The following PARG variants were observed in gnomAD, a reference collection of about 807,000 sequenced individuals.
PARG encodes mitochondrial poly(ADP-ribose) glycohydrolase.
A neutral mutation model predicts 113.0 loss-of-function variants in PARG; 35 were observed. That is an observed-to-expected ratio of 0.31 (90% CI 0.24 to 0.41). PARG has a LOEUF of 0.41. PARG is among the 10% of genes least tolerant of loss of function. PARG has a pLI of 1.00. For missense variants in PARG, 797 were observed against 1,169.4 expected (o/e 0.68, Z 4.64); for synonymous variants, 330 against 409.9 (o/e 0.81, Z 2.36).
chr10:49,823,589 T>C (rs1844213158), intron 16 of PARG, among the ~76,000 whole-genome samples: 1 of 152,182 alleles, frequency 6.6e-6, no homozygotes, highest in Non-Finnish European at 1.5e-5. Context: ...CATTAAAGTT[T>C]CAATACACCC....
intron 7 of PARG, among the ~76,000 whole-genome samples, chr10:49,886,066 T>C (rs1847461714): frequency 6.6e-6 from 1 of 152,234 alleles, no homozygotes; most frequent in Non-Finnish European, 1.5e-5. Context: ...CTTTATCTAC[T>C]TGAAATCACA....
intron 7 of PARG, among the ~76,000 whole-genome samples, chr10:49,891,671 C>G (rs1367193894): frequency 4.5e-5 from 6 of 134,486 alleles, no homozygotes; most frequent in African/African-American, 1.7e-4. Flanking sequence ...ACTCTGTCAC[C>G]CAGGCTGGAG....
chr10:49,906,249 T>C (rs1848584737), intron 7 of PARG, among the ~76,000 whole-genome samples: 1 of 150,344 alleles, frequency 6.7e-6, no homozygotes, highest in Non-Finnish European at 1.5e-5. Context: ...TCCCAAAGTA[T>C]TGGGATTACA....
chr10:49,862,250 G>T (rs1378292504), intron 11 of PARG, among the ~76,000 whole-genome samples: 6 of 151,920 alleles, frequency 3.9e-5, no homozygotes, highest in East Asian at 1.9e-4. Context: ...CTGAGGTATT[G>T]ACTTATGTTA....
At position 49,933,889 on chromosome 10, in the gene PARG, T is replaced by A; in HGVS notation, c.559A>T (p.Ile187Phe). Residue 187 changes from isoleucine to phenylalanine, a missense_variant, in exon 3 of 18, where the codon ATT becomes TTT. Physicochemically the swap from Ile to Phe is conservative, Grantham distance 21. Coordinates refer to ENST00000616448, the MANE Select transcript of PARG (RefSeq NM_003631.5). ...TCATCATTTTGAGGTGACCGATCAA[T>A]GTTAGCATTACTAAACTGCTCTGGT... ...LVPEQFSNAN[I>F]DRSPQNDDHS... is the part of the protein sequence containing the mutation. The A allele has an allele frequency of 6.3e-6, 10 of 1,599,548 alleles. No individual in the cohort carries two copies. In the South Asian group the frequency reaches 1.1e-4, roughly 18 times the overall value.
chr10:49,917,876 C>T (rs117645506), intron 6 of PARG, among the ~76,000 whole-genome samples: 661 of 148,734 alleles, frequency 4.4e-3, no homozygotes, highest in East Asian at 0.018. Flanking sequence ...TTTTTTTTTC[C>T]AATCACTGGT....
intron 4 of PARG, among the ~76,000 whole-genome samples, chr10:49,925,731 A>C (rs1418043411): frequency 6.6e-6 from 1 of 152,250 alleles, no homozygotes; most frequent in African/African-American, 2.4e-5. Flanking sequence ...GAGACAGAGC[A>C]GGGAGCCCTC....
At chr10:49,911,841 C>T (rs1171354423) in intron 7 of PARG, among the ~76,000 whole-genome samples, 9 of 152,116 alleles carry the variant, frequency 5.9e-5, no homozygotes, top group South Asian at 4.1e-4. Flanking sequence ...GTTACAAAAT[C>T]CTTTACTTAC....
intron 7 of PARG, chr10:49,908,344 C>T (rs1490062633): frequency 7.9e-5 from 12 of 152,150 alleles, no homozygotes; most frequent in African/African-American, 2.2e-4. Flanking sequence ...ATATTCCATA[C>T]AAATATAAAA....
intron 7 of PARG, among the ~76,000 whole-genome samples, chr10:49,911,888 T>C (rs1837206730): frequency 6.6e-6 from 1 of 152,188 alleles, no homozygotes; most frequent in Admixed American, 6.5e-5. Flanking sequence ...GAGATAAATA[T>C]CAACAGCTTC....
chr10:49,903,484 A>G (rs1293806273), intron 7 of PARG, among the ~76,000 whole-genome samples: 1 of 151,896 alleles, frequency 6.6e-6, no homozygotes. Flanking sequence ...AGTTCAAGAA[A>G]CATTAACTGT....
chr10:49,823,595 C>T, intron 16 of PARG, among the ~76,000 whole-genome samples: 1 of 152,072 alleles, frequency 6.6e-6, no homozygotes, highest in East Asian at 1.9e-4. Flanking sequence ...AGTTTCAATA[C>T]ACCCTATTTC....
chr10:49,941,485 A>G, intron 1 of PARG, 24 bp downstream of exon 1: 6 of 1,513,914 alleles, frequency 4.0e-6, no homozygotes, highest in Non-Finnish European at 5.4e-6. Context: ...GGCGAAGGAC[A>G]AAGATTTTTA....
intron 1 of PARG, among the ~76,000 whole-genome samples, chr10:49,938,301 C>T (rs1223398272): frequency 1.3e-5 from 2 of 152,090 alleles, no homozygotes; most frequent in East Asian, 1.9e-4. Flanking sequence ...TGTTATCTCC[C>T]GACATTTCCA....
chr10:49,822,674 C>T (rs1266449903), intron 16 of PARG, among the ~76,000 whole-genome samples: 3 of 152,064 alleles, frequency 2.0e-5, no homozygotes, highest in Non-Finnish European at 4.4e-5. Context: ...CTACAGATTG[C>T]TTATTAGTTA....
Position 49,819,229 on chromosome 10 carries a change from T to C in PARG, c.*111A>G, listed in dbSNP as rs1277668641. 2 of 857,552 alleles carry C rather than the reference T, an allele frequency of 2.3e-6. No homozygotes were observed. Among genetic ancestry groups the C allele is most frequent in the Admixed American group, 2.9e-5 (1 of 33,974 alleles). The allele number at this position is 857,552 out of a possible 1,614,324, so 53.1% of individuals were successfully genotyped here. A position where few individuals can be genotyped will look rare whatever the true frequency, so the allele number is the denominator to read the frequency against. ...GAGATTGCGTCCTTGACTACAAATG[T>C]GGATTATGTACACATTTATATTAAC... On this transcript the variant is annotated 3_prime_UTR_variant, in exon 18 of 18. Transcript: ENST00000616448.
chr10:49,934,891 A>G (rs1838675105), intron 2 of PARG, among the ~76,000 whole-genome samples, 185 bp downstream of exon 2: 1 of 152,064 alleles, frequency 6.6e-6, no homozygotes, highest in African/African-American at 2.4e-5. Context: ...TCATCTTGGT[A>G]TCTCAAGTAT....
intron 6 of PARG, among the ~76,000 whole-genome samples, chr10:49,918,478 CTT>C (rs1837624408): frequency 6.6e-6 from 1 of 152,232 alleles, no homozygotes; most frequent in Non-Finnish European, 1.5e-5. Flanking sequence ...ACTCTGTACT[CTT>C]GAGTTATCAA....
chr10:49,843,634 T>G lies in PARG; in HGVS notation c.2354-2A>C. The G allele has an allele frequency of 6.5e-7, 1 of 1,540,416 alleles. No individual in the cohort carries two copies. Among genetic ancestry groups the G allele is most frequent in the Non-Finnish European group, 8.8e-7 (1 of 1,136,744 alleles). ...TGTATTCACTGTACTGCTCAGTACC[T>G]GAAACAAACAATCTGTCACTATTAA... On this transcript the variant is annotated splice_acceptor_variant, in intron 13 of 17. Transcript: ENST00000616448. LOFTEE classifies it high-confidence loss of function.
Sources: gnomAD v4.1 joint callset for allele counts (sites outside exome capture counted in the v4.1 genomes callset) on GRCh38, gnomAD v4.1.1 for gene constraint, MANE v1.5 for transcripts, NCBI Gene and HGNC (gene_info 2026-07-23, HGNC 2026-07-21) for gene names.